GLRA1: variants seen among roughly 807,000 people sequenced by gnomAD.
GLRA1 encodes glycine receptor alpha 1, also known as glycine receptor subunit alpha-1.
GLRA1 carries 37 observed loss-of-function variants against 48.3 expected under a neutral mutation model. That is an observed-to-expected ratio of 0.77 (90% CI 0.59 to 1.01). The LOEUF (loss-of-function observed/expected upper bound fraction) is 1.01. Ranked by LOEUF, GLRA1 falls within the 50% of genes least tolerant of loss-of-function variation. The probability of loss-of-function intolerance (pLI) is 0.00; values close to 1 mark genes in which losing one functional copy is unlikely to be tolerated. For synonymous variants in GLRA1, 196 were observed against 210.7 expected (o/e 0.93, Z 0.60); for missense variants, 427 against 571.0 (o/e 0.75, Z 2.57).
At chr5:151,917,660 C>T (rs944636319) in intron 1 of GLRA1, among the ~76,000 whole-genome samples, 1 of 152,146 alleles carries the variant, frequency 6.6e-6, no homozygotes, top group African/African-American at 2.4e-5. Context: ...GTCCTCTTAA[C>T]AAATGTTTGG....
intron 3 of GLRA1, among the ~76,000 whole-genome samples, chr5:151,883,817 C>T (rs1753826363): frequency 1.3e-5 from 2 of 152,278 alleles, no homozygotes; most frequent in East Asian, 1.9e-4. Flanking sequence ...CAGAGCTGAG[C>T]CTCAGATGTT....
intron 1 of GLRA1, among the ~76,000 whole-genome samples, chr5:151,914,047 A>G (rs901609457): frequency 6.6e-6 from 1 of 152,278 alleles, no homozygotes; most frequent in Non-Finnish European, 1.5e-5. Flanking sequence ...ATTTTACAAC[A>G]AATATGTATT....
intron 7 of GLRA1, among the ~76,000 whole-genome samples, chr5:151,842,537 T>C (rs1399551203): frequency 1.3e-5 from 2 of 152,122 alleles, no homozygotes; most frequent in Non-Finnish European, 2.9e-5. Flanking sequence ...GAAACAGGAT[T>C]TGACAAAATT....
At chr5:151,901,399 G>T (rs1365100043) in intron 1 of GLRA1, among the ~76,000 whole-genome samples, 1 of 152,172 alleles carries the variant, frequency 6.6e-6, no homozygotes, top group African/African-American at 2.4e-5. Context: ...ACAGTGTGAA[G>T]AATCCAGGGG....
At chr5:151,922,660 A>T (rs35831877) in intron 1 of GLRA1, among the ~76,000 whole-genome samples, 1,657 of 152,368 alleles carry the variant, frequency 0.011, 16 homozygotes, top group Non-Finnish European at 0.019. Context: ...CTGTTAGGCC[A>T]CCACCAGCTT....
chr5:151,908,786 G>C (rs1237979269), intron 1 of GLRA1, among the ~76,000 whole-genome samples: 1 of 152,198 alleles, frequency 6.6e-6, no homozygotes, highest in African/African-American at 2.4e-5. Flanking sequence ...AGGGAAGTGT[G>C]TTGTCAAGTT....
rs190829815 is a variant in GLRA1 at position 151,853,700 on chromosome 5, T to C, written c.697+1340A>G. On this transcript the variant is annotated intron_variant, in intron 6 of 8. Transcript: ENST00000274576. ...TTGATAGTGTCTTTTGATGCACTTTTAATATTTATGAAGTCAAATCTATCT... is the reference window on the plus strand; with the variant it reads ...TTGATAGTGTCTTTTGATGCACTTTCAATATTTATGAAGTCAAATCTATCT... 1.7e-3 allele frequency among the ~76,000 whole-genome samples: 262 copies of C among 152,346 alleles called. 1 individual carries two copies. The highest frequency in any genetic ancestry group is 3.4e-3 in the Middle Eastern group (1 of 294).
At chr5:151,850,423 C>T (rs1752869291) in intron 7 of GLRA1, 3 of 1,192,248 alleles carry the variant, frequency 2.5e-6, no homozygotes, top group Non-Finnish European at 3.8e-6. Flanking sequence ...AGGAAGTGTT[C>T]AGGCTGCCAT....
intron 7 of GLRA1, among the ~76,000 whole-genome samples, chr5:151,832,693 C>T (rs1170876245): frequency 3.3e-5 from 5 of 152,134 alleles, no homozygotes; most frequent in African/African-American, 9.7e-5. Context: ...CTGAAAGTGA[C>T]GGGGAGAATG....
At chr5:151,849,315 C>T (rs561444042) in intron 7 of GLRA1, among the ~76,000 whole-genome samples, 3 of 109,686 alleles carry the variant, frequency 2.7e-5, no homozygotes. Flanking sequence ...TTCCCTCCCT[C>T]CCTCCCTTTC....
chr5:151,829,884 G>A (rs926039379), intron 7 of GLRA1, among the ~76,000 whole-genome samples: 6 of 152,072 alleles, frequency 3.9e-5, no homozygotes, highest in Admixed American at 2.0e-4. Flanking sequence ...CATTCACATC[G>A]TAACATGTAT....
intron 7 of GLRA1, among the ~76,000 whole-genome samples, chr5:151,835,572 G>A (rs1244433340): frequency 1.3e-5 from 2 of 152,106 alleles, no homozygotes; most frequent in Non-Finnish European, 2.9e-5. Flanking sequence ...TAAATTACTG[G>A]CAAACTGAAT....
intron 1 of GLRA1, among the ~76,000 whole-genome samples, chr5:151,922,915 G>A (rs995532927): frequency 1.3e-5 from 2 of 152,200 alleles, no homozygotes; most frequent in African/African-American, 4.8e-5. Flanking sequence ...GAATCAATTT[G>A]CATACAAATG....
chr5:151,860,016 C>T lies in GLRA1; in HGVS notation c.253-8G>A, dbSNP rs750848435. 6.2e-7 allele frequency: 1 copy of T among 1,606,194 alleles called. No individual in the cohort carries two copies. The highest frequency in any genetic ancestry group is 8.5e-7 in the Non-Finnish European group (1 of 1,173,200). ...GATGTTGACCCTATAGTCCTACAGC[C>T]AGGAAATAACAAGGTGAAGGCAATG... On this transcript the variant is annotated splice_polypyrimidine_tract_variant and splice_region_variant and intron_variant, in intron 3 of 8. Transcript: ENST00000274576.
At chr5:151,884,559 G>A (rs1753849474) in intron 3 of GLRA1, among the ~76,000 whole-genome samples, 2 of 152,220 alleles carry the variant, frequency 1.3e-5, no homozygotes, top group Admixed American at 1.3e-4. Context: ...AAGATGTGAA[G>A]CAAATAAGCT....
At chr5:151,842,356 A>G (rs1019839785) in intron 7 of GLRA1, among the ~76,000 whole-genome samples, 1 of 151,654 alleles carries the variant, frequency 6.6e-6, no homozygotes, top group South Asian at 2.1e-4. Context: ...AAAAAAAAAA[A>G]CTCTCAGGAA....
At chr5:151,873,129 G>T (rs1394605258) in intron 3 of GLRA1, among the ~76,000 whole-genome samples, 4 of 149,510 alleles carry the variant, frequency 2.7e-5, no homozygotes, top group Non-Finnish European at 4.4e-5. Flanking sequence ...AAATGTTCCA[G>T]GGTGCTGCTG....
intron 7 of GLRA1, among the ~76,000 whole-genome samples, chr5:151,839,188 TAAAC>T (rs1440917515): frequency 6.6e-6 from 1 of 152,192 alleles, no homozygotes; most frequent in South Asian, 2.1e-4. Context: ...CATTTTTAGG[TAAAC>T]AAAAGCTGAG....
intron 3 of GLRA1, among the ~76,000 whole-genome samples, chr5:151,885,934 G>A (rs983373643): frequency 1.3e-5 from 2 of 152,152 alleles, no homozygotes; most frequent in Non-Finnish European, 2.9e-5. Flanking sequence ...CATGATGGAA[G>A]CCTGAACTAG....
Sources: gnomAD v4.1 joint callset for allele counts (sites outside exome capture counted in the v4.1 genomes callset) on GRCh38, gnomAD v4.1.1 for gene constraint, MANE v1.5 for transcripts, NCBI Gene and HGNC (gene_info 2026-07-23, HGNC 2026-07-21) for gene names.